The following MINK1 variants were observed in gnomAD, a reference collection of about 807,000 sequenced individuals.
MINK1 encodes the protein misshapen-like kinase 1.
Under a neutral mutation model 178.4 loss-of-function variants are expected in MINK1, and 46 were observed. The ratio of observed to expected loss-of-function variants is 0.26; its 90% CI spans 0.20 to 0.33. The LOEUF (loss-of-function observed/expected upper bound fraction) is 0.33, where lower values mean the gene tolerates loss of function less well. Ranked by LOEUF, MINK1 falls within the 10% of genes least tolerant of loss-of-function variation. MINK1 has a pLI of 1.00. For missense variants in MINK1, 1,366 were observed against 1,814.9 expected, an observed-to-expected ratio of 0.75 and a Z score of 4.49; for synonymous variants, 797 against 709.7, an observed-to-expected ratio of 1.12 and a Z score of -1.96.
At chr17:4,858,296 G>T (rs148010056) in intron 1 of MINK1, among the ~76,000 whole-genome samples, 3 of 151,934 alleles carry the variant, frequency 2.0e-5, no homozygotes, top group Admixed American at 6.6e-5. Flanking sequence ...TCATCTGGGA[G>T]GGGGGAGGGC....
chr17:4,889,056 C>T (rs1426606048), intron 12 of MINK1, among the ~76,000 whole-genome samples: 1 of 152,134 alleles, frequency 6.6e-6, no homozygotes, highest in African/African-American at 2.4e-5. Context: ...AACTTCATTG[C>T]AGAAGTAGGC....
chr17:4,852,657 T>A (rs1258295595), intron 1 of MINK1, among the ~76,000 whole-genome samples: 1 of 145,418 alleles, frequency 6.9e-6, no homozygotes, highest in African/African-American at 2.6e-5. Flanking sequence ...AGGCTCCAGG[T>A]AAACCATAGC....
Position 4,897,629 on chromosome 17 carries a change from C to T in MINK1, c.*342C>T. The T allele has an allele frequency of 4.5e-6, 1 of 221,772 alleles. No individual in the cohort carries two copies. The highest frequency in any genetic ancestry group is 5.9e-5 in the Admixed American group (1 of 16,880). The allele number at this position is 221,772 out of a possible 1,614,324, so 13.7% of individuals were successfully genotyped here. The stretch of plus-strand genomic sequence containing the variant: ...GAACCCCTTACCCCACTGCTGCTGA[C>T]TGGGCAGGGCCCTGGACCCCTTTAT... On this transcript the variant is annotated 3_prime_UTR_variant, in exon 32 of 32. Transcript: ENST00000355280.
chr17:4,839,098 A>C (rs964222331), intron 1 of MINK1, among the ~76,000 whole-genome samples: 26 of 152,136 alleles, frequency 1.7e-4, no homozygotes, highest in East Asian at 5.8e-4. Context: ...CGCCCGCCAC[A>C]ATGCCTGGCT....
At chr17:4,860,657 G>A in intron 1 of MINK1, 2 of 511,648 alleles carry the variant, frequency 3.9e-6, no homozygotes, top group South Asian at 2.9e-5. Flanking sequence ...CCAGGTAGGA[G>A]CTGTGGGAGG....
In MINK1 at chr17:4,885,977, G is replaced by C; in HGVS notation, c.694+12G>C. ...AGAGGGAGCCCCCCGTAAGTTCTGA[G>C]TCTGCCGGGAGTGGGAGGGGAGGGA... On this transcript the variant is annotated intron_variant, in intron 8 of 31. Transcript: ENST00000355280. The surrounding 1 kb of genome is among the most constrained non-coding windows in gnomAD (Gnocchi z 5.0). 1.2e-6 allele frequency: 2 copies of C among 1,613,850 alleles called. No homozygotes were observed. Among genetic ancestry groups the C allele is most frequent in the Non-Finnish European group, 1.7e-6 (2 of 1,179,790 alleles).
intron 2 of MINK1, among the ~76,000 whole-genome samples, chr17:4,878,687 C>A (rs1967422062): frequency 6.6e-6 from 1 of 152,160 alleles, no homozygotes; most frequent in South Asian, 2.1e-4. Context: ...TCAGAACTCT[C>A]CTGGGATTCA....
chr17:4,894,659 G>C lies in MINK1; in HGVS notation c.2917+26G>C. On this transcript the variant is annotated intron_variant, in intron 24 of 31. Coordinates refer to ENST00000355280, the MANE Select transcript of MINK1 (RefSeq NM_153827.5). This position sits in a 1 kb window ranked among gnomAD's most constrained non-coding sequence, Gnocchi z 4.1. Reference sequence around the variant, plus strand: ...GTGAGGACAGGAGGACAGACCTGCTGTGAGGCCAGGGTCCAGGGGCAGCCT... The same window carrying C: ...GTGAGGACAGGAGGACAGACCTGCTCTGAGGCCAGGGTCCAGGGGCAGCCT... The C allele has an allele frequency of 3.2e-6, 5 of 1,553,420 alleles. No individual in the cohort carries two copies. The highest frequency in any genetic ancestry group is 4.4e-6 in the Non-Finnish European group (5 of 1,137,826).
Position 4,886,349 on chromosome 17 carries a change from G to A in MINK1, c.774-102G>A, listed in dbSNP as rs1597535373. On this transcript the variant is annotated intron_variant, in intron 9 of 31. Coordinates refer to ENST00000355280, the MANE Select transcript of MINK1 (RefSeq NM_153827.5). This position sits in a 1 kb window ranked among gnomAD's most constrained non-coding sequence, Gnocchi z 6.1. ...GACTGGTGTTGGGATATGAAGACAG[G>A]AGGGACGTCAAGGTGGCTTGTGGAT... is the stretch of plus-strand genomic sequence containing the variant. The A allele has an allele frequency of 2.7e-6, 4 of 1,501,436 alleles. No homozygotes were observed. The highest frequency in any genetic ancestry group is 4.5e-5 in the East Asian group (2 of 44,110). 93.0% of individuals were successfully genotyped at this position (1,501,436 alleles called of 1,614,324 possible). A position where few individuals can be genotyped will look rare whatever the true frequency, so the allele number is the denominator to read the frequency against.
intron 1 of MINK1, among the ~76,000 whole-genome samples, chr17:4,869,969 G>A (rs1206980032): frequency 4.7e-5 from 7 of 148,506 alleles, no homozygotes; most frequent in Admixed American, 3.4e-4. Flanking sequence ...ATGCAGTGGC[G>A]TGAACTCAGC....
intron 1 of MINK1, among the ~76,000 whole-genome samples, chr17:4,858,196 T>C (rs1383404938): frequency 6.6e-6 from 1 of 152,130 alleles, no homozygotes; most frequent in Non-Finnish European, 1.5e-5. Flanking sequence ...CCTCCCCCAC[T>C]GGGTATAGCC....
Position 4,894,743 on chromosome 17 carries a change from C to T in MINK1, c.2917+110C>T. On this transcript the variant is annotated intron_variant, in intron 24 of 31. Coordinates refer to ENST00000355280, the MANE Select transcript of MINK1 (RefSeq NM_153827.5). This position sits in a 1 kb window ranked among gnomAD's most constrained non-coding sequence, Gnocchi z 4.1. ...CACAAAGCATAGCCACAGGACCTCTCCCTTGGGCCCTAGCACCTGCCTGGG... is the reference window on the plus strand; with the variant it reads ...CACAAAGCATAGCCACAGGACCTCTTCCTTGGGCCCTAGCACCTGCCTGGG... 1 of 844,176 alleles carries T rather than the reference C, an allele frequency of 1.2e-6. No individual in the cohort carries two copies. Among genetic ancestry groups the T allele is most frequent in the South Asian group, 1.6e-5 (1 of 64,488 alleles). 52.3% of individuals were successfully genotyped at this position (844,176 alleles called of 1,614,324 possible). A position where few individuals can be genotyped will look rare whatever the true frequency, so the allele number is the denominator to read the frequency against.
intron 1 of MINK1, among the ~76,000 whole-genome samples, chr17:4,861,929 A>G (rs971645611): frequency 1.3e-5 from 2 of 152,226 alleles, no homozygotes; most frequent in African/African-American, 2.4e-5. Context: ...CTATGCGACA[A>G]TAGTCGTTTT....
chr17:4,886,732 C>T lies in MINK1; in HGVS notation c.949+106C>T. 1 of 1,221,096 alleles carries T rather than the reference C, an allele frequency of 8.2e-7. No homozygotes were observed. Among genetic ancestry groups the T allele is most frequent in the Non-Finnish European group, 1.1e-6 (1 of 903,106 alleles). The allele number at this position is 1,221,096 out of a possible 1,614,324, so 75.6% of individuals were successfully genotyped here. A position where few individuals can be genotyped will look rare whatever the true frequency, so the allele number is the denominator to read the frequency against. On this transcript the variant is annotated intron_variant, in intron 10 of 31. Transcript: ENST00000355280. The surrounding 1 kb of genome is among the most constrained non-coding windows in gnomAD (Gnocchi z 6.1). ...CACCCCTTCCTGCTCCCCTCCTTGG[C>T]CCCAGCTCTCCCTGTCCAAGGAGAT... is the stretch of plus-strand genomic sequence containing the variant.
At chr17:4,893,127 G>T in intron 20 of MINK1, 60 bp downstream of exon 20, 1 of 1,526,580 alleles carries the variant, frequency 6.6e-7, no homozygotes, top group Non-Finnish European at 8.9e-7. Context: ...TAGCCTCAGG[G>T]TGCTGGGTGT....
At chr17:4,890,202 C>A in intron 13 of MINK1, 5 of 851,900 alleles carry the variant, frequency 5.9e-6, no homozygotes, top group Non-Finnish European at 7.8e-6. Context: ...CTGCCCCCCA[C>A]CCCACACCCC....
At chr17:4,854,619 G>C (rs1489421383) in intron 1 of MINK1, 1 of 411,022 alleles carries the variant, frequency 2.4e-6, no homozygotes, top group Non-Finnish European at 4.9e-6. Context: ...AGATCCATGA[G>C]TGATTTATAA....
intron 16 of MINK1, among the ~76,000 whole-genome samples, chr17:4,891,931 A>G (rs1968862835): frequency 6.6e-6 from 1 of 152,118 alleles, no homozygotes; most frequent in African/African-American, 2.4e-5. Context: ...AGAAACGCCC[A>G]GGGTGTTTTG....
chr17:4,886,331 G>T lies in MINK1; in HGVS notation c.774-120G>T, dbSNP rs1051389603. The T allele has an allele frequency of 1.3e-6, 2 of 1,495,342 alleles. No homozygotes were observed. Among genetic ancestry groups the T allele is most frequent in the African/African-American group, 1.4e-5 (1 of 72,570 alleles). The allele number at this position is 1,495,342 out of a possible 1,614,324, so 92.6% of individuals were successfully genotyped here. On this transcript the variant is annotated intron_variant, in intron 9 of 31. Coordinates refer to ENST00000355280, the MANE Select transcript of MINK1 (RefSeq NM_153827.5). The surrounding 1 kb of genome is among the most constrained non-coding windows in gnomAD (Gnocchi z 6.1). ...TGGGGGGCAGAGGGCGGTGACTGGTGTTGGGATATGAAGACAGGAGGGACG... is the reference window on the plus strand; with the variant it reads ...TGGGGGGCAGAGGGCGGTGACTGGTTTTGGGATATGAAGACAGGAGGGACG...
Sources: gnomAD v4.1 joint callset for allele counts (sites outside exome capture counted in the v4.1 genomes callset) on GRCh38, gnomAD v4.1.1 for gene constraint, Gnocchi (gnomAD v3.1) non-coding constraint, MANE v1.5 for transcripts, NCBI Gene and HGNC (gene_info 2026-07-23, HGNC 2026-07-21) for gene names.